CDA: variants seen among roughly 807,000 people sequenced by gnomAD.
CDA encodes cytidine deaminase.
Under a neutral mutation model 15.0 loss-of-function variants are expected in CDA, and 7 were observed. That is an observed-to-expected ratio of 0.47 (90% CI 0.26 to 0.87). The LOEUF (loss-of-function observed/expected upper bound fraction) is 0.87. CDA is among the 40% of genes least tolerant of loss of function. The probability of loss-of-function intolerance (pLI) is 0.15; values close to 1 mark genes in which losing one functional copy is unlikely to be tolerated. For synonymous variants in CDA, 58 were observed against 73.0 expected, an observed-to-expected ratio of 0.79 and a Z score of 1.05; for missense variants, 159 against 182.7, an observed-to-expected ratio of 0.87 and a Z score of 0.75.
At chr1:20,605,260 G>A (rs547330337) in intron 2 of CDA, among the ~76,000 whole-genome samples, 3 of 152,254 alleles carry the variant, frequency 2.0e-5, no homozygotes, top group African/African-American at 7.2e-5. Flanking sequence ...AAATAAGCAA[G>A]GCAACTCTCA....
chr1:20,607,263 C>T (rs1291118020), intron 2 of CDA, among the ~76,000 whole-genome samples: 1 of 152,144 alleles, frequency 6.6e-6, no homozygotes, highest in African/African-American at 2.4e-5. Flanking sequence ...TCAGTCTGGC[C>T]CCAAGGAGAC....
intron 2 of CDA, among the ~76,000 whole-genome samples, chr1:20,610,304 A>ATTT (rs1311607502): frequency 4.0e-5 from 5 of 124,652 alleles, no homozygotes; most frequent in Non-Finnish European, 7.0e-5. Context: ...TTATTTATTT[A>ATTT]TTTTTATTTT....
At chr1:20,602,605 G>A (rs768733178) in intron 1 of CDA, among the ~76,000 whole-genome samples, 3 of 152,040 alleles carry the variant, frequency 2.0e-5, no homozygotes, top group Non-Finnish European at 4.4e-5. Context: ...TGTATTTTTA[G>A]TAGACAGGGT....
At chr1:20,612,955 A>G (rs1449607507) in intron 2 of CDA, among the ~76,000 whole-genome samples, 1 of 151,416 alleles carries the variant, frequency 6.6e-6, no homozygotes, top group East Asian at 2.0e-4. Context: ...AAAAAAAAAA[A>G]AAAAAAAGCC....
chr1:20,592,388 C>T (rs929012235), intron 1 of CDA, among the ~76,000 whole-genome samples: 2 of 152,134 alleles, frequency 1.3e-5, no homozygotes, highest in Non-Finnish European at 2.9e-5. Flanking sequence ...ATGATAGCTG[C>T]TTCTGCTACC....
Position 20,613,804 on chromosome 1 carries a change from G to A in CDA, c.267-38G>A, listed in dbSNP as rs754888573. The A allele has an allele frequency of 1.0e-5, 16 of 1,595,322 alleles. No homozygotes were observed. The East Asian group carries it at 3.6e-4, about 36-fold the overall frequency. ...TCTTAGCAATTGTCCTCAGTCCTTG[G>A]GAGAGACTAATTTGAGTTTGATTCT... On this transcript the variant is annotated intron_variant, in intron 2 of 3. Coordinates refer to ENST00000375071, the MANE Select transcript of CDA (RefSeq NM_001785.3).
At chr1:20,599,658 A>AAAAT (rs1485970929) in intron 1 of CDA, among the ~76,000 whole-genome samples, 4 of 151,674 alleles carry the variant, frequency 2.6e-5, no homozygotes, top group Non-Finnish European at 5.9e-5. Context: ...AAAACAAAAT[A>AAAAT]AAATAAAATA....
At chr1:20,602,158 G>C (rs1183800994) in intron 1 of CDA, among the ~76,000 whole-genome samples, 1 of 148,640 alleles carries the variant, frequency 6.7e-6, no homozygotes, top group African/African-American at 2.5e-5. Flanking sequence ...AAGGAGGGGA[G>C]GGGAGGGGAG....
rs1256691437 is a variant in CDA, at chr1:20,605,678, T to C, written c.266+639T>C. Among the ~76,000 whole-genome samples the C allele has an allele frequency of 4.3e-5, 5 of 115,868 alleles. 2 individuals carry two copies. The highest frequency in any genetic ancestry group is 1.5e-4 in the African/African-American group (5 of 32,696). The allele number at this position is 115,868 out of a possible 152,430, so 76.0% of individuals were successfully genotyped here. A position where few individuals can be genotyped will look rare whatever the true frequency, so the allele number is the denominator to read the frequency against. ...CCGTCTCAAAAAAAAAAAAAATTTTTTTTTGCTGATGGTGGCATGCCCATA... is the reference window on the plus strand; with the variant it reads ...CCGTCTCAAAAAAAAAAAAAATTTTCTTTTGCTGATGGTGGCATGCCCATA... On this transcript the variant is annotated intron_variant, in intron 2 of 3. Transcript: ENST00000375071.
chr1:20,618,647 C>A lies in CDA; in HGVS notation c.*79C>A. 1 of 853,188 alleles carries A rather than the reference C, an allele frequency of 1.2e-6. No individual in the cohort carries two copies. The highest frequency in any genetic ancestry group is 2.0e-6 in the Non-Finnish European group (1 of 489,836). 52.9% of individuals were successfully genotyped at this position (853,188 alleles called of 1,614,324 possible). On this transcript the variant is annotated 3_prime_UTR_variant, in exon 4 of 4. Transcript: ENST00000375071. Reference sequence around the variant, plus strand: ...TGTCTCACAGCCCTGGGGACACCTGCCCAGTGGGCCCCAGCCCTACAGGGA... The same window carrying A: ...TGTCTCACAGCCCTGGGGACACCTGACCAGTGGGCCCCAGCCCTACAGGGA...
At chr1:20,593,145 C>A (rs573525051) in intron 1 of CDA, among the ~76,000 whole-genome samples, 1 of 152,122 alleles carries the variant, frequency 6.6e-6, no homozygotes, top group African/African-American at 2.4e-5. Context: ...GCTTTAGGAT[C>A]GCCAGCCAGG....
chr1:20,609,078 A>G (rs918417726), intron 2 of CDA, among the ~76,000 whole-genome samples: 1 of 152,166 alleles, frequency 6.6e-6, no homozygotes, highest in Non-Finnish European at 1.5e-5. Context: ...GTTGAAGCCT[A>G]CACCAAATCT....
chr1:20,607,734 G>GT (rs2052707478), intron 2 of CDA, among the ~76,000 whole-genome samples: 1 of 152,190 alleles, frequency 6.6e-6, no homozygotes, highest in African/African-American at 2.4e-5. Flanking sequence ...ATTCAGCTCA[G>GT]TTTCCCTGAG....
intron 1 of CDA, among the ~76,000 whole-genome samples, chr1:20,595,069 G>C (rs1363884173): frequency 6.6e-6 from 1 of 152,140 alleles, no homozygotes; most frequent in Non-Finnish European, 1.5e-5. Flanking sequence ...CTTCTTGGCT[G>C]TAGTTTCTGC....
chr1:20,618,582 C>A lies in CDA; in HGVS notation c.*14C>A. On this transcript the variant is annotated 3_prime_UTR_variant, in exon 4 of 4. Coordinates refer to ENST00000375071, the MANE Select transcript of CDA (RefSeq NM_001785.3). ...AAGACCCAGTGACAGCCAGAGAATG[C>A]CCACTGCCTGTAACAGCCACCTGGA... 1 of 1,466,368 alleles carries A rather than the reference C, an allele frequency of 6.8e-7. No homozygotes were observed. 90.8% of individuals were successfully genotyped at this position (1,466,368 alleles called of 1,614,324 possible). A position where few individuals can be genotyped will look rare whatever the true frequency, so the allele number is the denominator to read the frequency against.
chr1:20,610,910 T>C (rs537880412), intron 2 of CDA, among the ~76,000 whole-genome samples: 3 of 152,170 alleles, frequency 2.0e-5, no homozygotes, highest in Admixed American at 6.5e-5. Flanking sequence ...AAGTCACACA[T>C]AGCAAAAGGA....
At chr1:20,608,393 A>AGTTTTGTTTT (rs78313074) in intron 2 of CDA, among the ~76,000 whole-genome samples, 15,583 of 104,904 alleles carry the variant, frequency 0.15, 961 homozygotes, top group African/African-American at 0.2. Context: ...ACTATTATAT[A>AGTTTTGTTTT]GTTTTGTTTT....
chr1:20,608,016 C>T (rs527253163), intron 2 of CDA, among the ~76,000 whole-genome samples: 105 of 152,246 alleles, frequency 6.9e-4, no homozygotes, highest in Middle Eastern at 6.8e-3. Context: ...CTGATAAGTA[C>T]GGCCTCAGTG....
chr1:20,599,429 C>G (rs1189535690), intron 1 of CDA, among the ~76,000 whole-genome samples: 2 of 151,564 alleles, frequency 1.3e-5, no homozygotes, highest in African/African-American at 2.4e-5. Flanking sequence ...CCAGCCTGAC[C>G]AATATGGTGA....
Sources: gnomAD v4.1 joint callset for allele counts (sites outside exome capture counted in the v4.1 genomes callset) on GRCh38, gnomAD v4.1.1 for gene constraint, MANE v1.5 for transcripts, NCBI Gene and HGNC (gene_info 2026-07-23, HGNC 2026-07-21) for gene names.